DLG2: variants seen among roughly 807,000 people sequenced by gnomAD.
DLG2 encodes the protein disks large homolog 2.
A neutral mutation model predicts 132.5 loss-of-function variants in DLG2; 45 were observed. The ratio of observed to expected loss-of-function variants is 0.34; its 90% CI spans 0.27 to 0.44. DLG2 has a LOEUF of 0.44. Ranked by LOEUF, DLG2 falls within the 20% of genes least tolerant of loss-of-function variation. The pLI is 1.00. For missense variants in DLG2, 1,045 were observed against 1,196.9 expected, an observed-to-expected ratio of 0.87 and a Z score of 1.87; for synonymous variants, 424 against 419.6, an observed-to-expected ratio of 1.01 and a Z score of -0.13.
chr11:84,631,014 T>TCC (rs1276421668), intron 6 of DLG2, among the ~76,000 whole-genome samples: 2 of 128,268 alleles, frequency 1.6e-5, no homozygotes, highest in African/African-American at 6.6e-5. Context: ...TCTCTCTCTC[T>TCC]CTCTCACACA....
intron 7 of DLG2, among the ~76,000 whole-genome samples, chr11:84,515,314 C>T (rs1303837547): frequency 6.7e-6 from 1 of 149,332 alleles, no homozygotes; most frequent in Non-Finnish European, 1.5e-5. Context: ...CACACACACA[C>T]ACCCCAAATA....
intron 6 of DLG2, among the ~76,000 whole-genome samples, chr11:84,895,035 T>C (rs929240378): frequency 5.9e-5 from 9 of 152,192 alleles, no homozygotes; most frequent in Admixed American, 1.3e-4. Flanking sequence ...CTGTATGACA[T>C]TGGATAAGCC....
At position 83,724,822 on chromosome 11, in the gene DLG2, G is replaced by GA. The variant is rs1411947105; in HGVS notation, c.1825+61867dup. 5.7e-6 allele frequency: 4 copies of GA among 702,306 alleles called. No individual in the cohort carries two copies. The East Asian group carries it at 1.1e-4, about 19-fold the overall frequency. 43.5% of individuals were successfully genotyped at this position (702,306 alleles called of 1,614,324 possible). A position where few individuals can be genotyped will look rare whatever the true frequency, so the allele number is the denominator to read the frequency against. ...ACCTCCCCCACATGGTCTGTCAAGA[G>GA]AAATGGGTCTGAGAAAAGCAGCATG... On this transcript the variant is annotated intron_variant, in intron 18 of 27. Coordinates refer to ENST00000376104, the MANE Select transcript of DLG2 (RefSeq NM_001142699.3).
chr11:85,363,826 C>T (rs948144803), intron 3 of DLG2, among the ~76,000 whole-genome samples: 1 of 152,164 alleles, frequency 6.6e-6, no homozygotes, highest in Non-Finnish European at 1.5e-5. Flanking sequence ...ACAATGGTTA[C>T]TGAGGATAAA....
chr11:84,596,521 C>G (rs2099558689), intron 6 of DLG2, among the ~76,000 whole-genome samples: 1 of 151,880 alleles, frequency 6.6e-6, no homozygotes, highest in Non-Finnish European at 1.5e-5. Context: ...TTGCACCCAG[C>G]CTACTCTGTT....
chr11:85,279,127 T>C (rs75588636), intron 4 of DLG2, among the ~76,000 whole-genome samples: 6,239 of 151,946 alleles, frequency 0.041, 168 homozygotes, highest in East Asian at 0.096. Flanking sequence ...AAGAAGAAAA[T>C]AGTTAATATC....
intron 3 of DLG2, among the ~76,000 whole-genome samples, chr11:85,495,839 T>C (rs933519346): frequency 2.6e-5 from 4 of 152,252 alleles, no homozygotes; most frequent in Admixed American, 1.3e-4. Flanking sequence ...CTTATGTTTA[T>C]TGTGGCACTA....
chr11:85,616,460 T>C lies in DLG2; in HGVS notation c.-93+10127A>G, dbSNP rs187423797. Among the ~76,000 whole-genome samples, 18 of 152,342 alleles carry C rather than the reference T, an allele frequency of 1.2e-4. 2 individuals are homozygous for C. The highest frequency in any genetic ancestry group is 9.1e-4 in the Admixed American group (14 of 15,308). On this transcript the variant is annotated intron_variant, in intron 2 of 27. Coordinates refer to ENST00000376104, the MANE Select transcript of DLG2 (RefSeq NM_001142699.3). ...GTACTTTGAGATATTAAAACTTTTT[T>C]CTACCTAAATTTTCCCATTTCCTTT...
intron 3 of DLG2, among the ~76,000 whole-genome samples, chr11:85,413,462 T>C (rs546518216): frequency 6.6e-6 from 1 of 152,162 alleles, no homozygotes; most frequent in Admixed American, 6.6e-5. Flanking sequence ...GGGTTCTTGG[T>C]CATGAAATCC....
At chr11:84,388,502 T>C (rs1398578404) in intron 7 of DLG2, among the ~76,000 whole-genome samples, 1 of 152,116 alleles carries the variant, frequency 6.6e-6, no homozygotes, top group African/African-American at 2.4e-5. Flanking sequence ...AATTGGGTAG[T>C]AGAAAAGAGG....
intron 3 of DLG2, among the ~76,000 whole-genome samples, chr11:85,319,962 G>A (rs1165697899): frequency 6.6e-6 from 1 of 151,690 alleles, no homozygotes; most frequent in Admixed American, 6.6e-5. Context: ...ACATTTTTGG[G>A]TACTCAATCA....
At chr11:84,422,575 G>A (rs1046332139) in intron 7 of DLG2, among the ~76,000 whole-genome samples, 4 of 152,134 alleles carry the variant, frequency 2.6e-5, no homozygotes, top group African/African-American at 4.8e-5. Context: ...AACTCATTAC[G>A]CACATTCAAT....
chr11:85,444,259 G>A (rs1431697693), intron 3 of DLG2, among the ~76,000 whole-genome samples: 7 of 152,062 alleles, frequency 4.6e-5, no homozygotes, highest in Admixed American at 1.3e-4. Flanking sequence ...CTGGAAAAAC[G>A]TATACTGAAA....
chr11:83,685,133 G>A (rs2079518060), intron 18 of DLG2, among the ~76,000 whole-genome samples: 1 of 152,028 alleles, frequency 6.6e-6, no homozygotes, highest in Admixed American at 6.6e-5. Context: ...TTACCGTATA[G>A]GTGAGGACTC....
At chr11:85,394,726 G>T (rs1354460651) in intron 3 of DLG2, among the ~76,000 whole-genome samples, 2 of 152,136 alleles carry the variant, frequency 1.3e-5, no homozygotes, top group Non-Finnish European at 2.9e-5. Context: ...AATCTAGGGT[G>T]AGACAGATAT....
intron 18 of DLG2, among the ~76,000 whole-genome samples, chr11:83,751,665 G>A (rs1386841268): frequency 6.6e-6 from 1 of 152,168 alleles, no homozygotes; most frequent in African/African-American, 2.4e-5. Flanking sequence ...GAGAAGTTAA[G>A]GATGACATCA....
rs147169925 is a variant in DLG2 at position 83,657,822 on chromosome 11, G to A, written c.1826-24497C>T. ...CCCAAAGTGCTGGGATTACAGGCGT[G>A]AGCCACCGCGCCCAGCCTATATTGT... On this transcript the variant is annotated intron_variant, in intron 18 of 27. Transcript: ENST00000376104. 6.4e-3 allele frequency among the ~76,000 whole-genome samples: 974 copies of A among 152,278 alleles called. 9 individuals carry two copies. Among genetic ancestry groups the A allele is most frequent in the African/African-American group, 0.022 (929 of 41,548 alleles).
chr11:83,554,142 C>A (rs1035699461), intron 19 of DLG2, among the ~76,000 whole-genome samples: 1 of 152,016 alleles, frequency 6.6e-6, no homozygotes, highest in Non-Finnish European at 1.5e-5. Context: ...CCTTGGTCTC[C>A]CAAAGTGCTG....
intron 9 of DLG2, among the ~76,000 whole-genome samples, chr11:84,153,865 C>G (rs995150747): frequency 1.4e-4 from 21 of 152,212 alleles, no homozygotes; most frequent in African/African-American, 4.6e-4. Context: ...TGTTGGGAAG[C>G]TGTTGCAATT....
Sources: allele counts gnomAD v4.1 joint callset (sites outside exome capture counted in the v4.1 genomes callset), GRCh38; gene constraint gnomAD v4.1.1; transcripts MANE v1.5; gene names NCBI Gene and HGNC (gene_info 2026-07-23, HGNC 2026-07-21).